The following TENM3 variants were observed in gnomAD, a reference collection of about 807,000 sequenced individuals.
TENM3 encodes teneurin transmembrane protein 3, also known as teneurin-3.
A neutral mutation model predicts 255.1 loss-of-function variants in TENM3; 63 were observed. The observed-to-expected ratio is 0.25, with a 90% CI of 0.20 to 0.30. The LOEUF is 0.30. TENM3 is among the 10% of genes least tolerant of loss of function. The probability of loss-of-function intolerance (pLI) is 1.00; values close to 1 mark genes in which losing one functional copy is unlikely to be tolerated. For missense variants in TENM3, 2,929 were observed against 3,461.1 expected (o/e 0.85, Z 3.86); for synonymous variants, 1,306 against 1,322.3 (o/e 0.99, Z 0.27).
At chr4:181,568,312 C>T in the TENM3 span, among the ~76,000 whole-genome samples, 4 of 151,864 alleles carry the variant, frequency 2.6e-5, no homozygotes, top group Non-Finnish European at 5.9e-5. Context: ...TACAGGCGCC[C>T]GCCACCACAC....
At chr4:181,918,779 C>T in the TENM3 span, among the ~76,000 whole-genome samples, 1 of 151,988 alleles carries the variant, frequency 6.6e-6, no homozygotes, top group African/African-American at 2.4e-5. Flanking sequence ...TTATATTCCC[C>T]TCTGTCCCTG....
At chr4:182,074,598 TAAGC>T in the TENM3 span, among the ~76,000 whole-genome samples, 1 of 152,160 alleles carries the variant, frequency 6.6e-6, no homozygotes, top group Non-Finnish European at 1.5e-5. Flanking sequence ...TATTGTTGCT[TAAGC>T]AAGAAAGAAA....
chr4:182,637,724 G>A (rs1345170097), intron 5 of TENM3, among the ~76,000 whole-genome samples: 1 of 152,148 alleles, frequency 6.6e-6, no homozygotes, highest in Non-Finnish European at 1.5e-5. Context: ...GCCTCTTAGA[G>A]ATTATATTCT....
In TENM3 at chr4:182,540,631, G is replaced by A. The variant is rs371158469; in HGVS notation, c.512-60293G>A. Among the ~76,000 whole-genome samples, 45 of 152,128 alleles carry A rather than the reference G, an allele frequency of 3.0e-4. 1 individual carries two copies. Among genetic ancestry groups the A allele is most frequent in the African/African-American group, 9.2e-4 (38 of 41,492 alleles). On this transcript the variant is annotated intron_variant, in intron 3 of 27. Coordinates refer to ENST00000511685, the MANE Select transcript of TENM3 (RefSeq NM_001080477.4). ...TAAAAAATATTTATCCAGTGAACCC[G>A]TGTGTCTCACCAAGGATTGAGAAAA...
chr4:182,297,697 G>C (rs1761583017), intron 1 of TENM3, among the ~76,000 whole-genome samples: 1 of 152,190 alleles, frequency 6.6e-6, no homozygotes, highest in Admixed American at 6.5e-5. Context: ...CGGTCTTTTA[G>C]ATGACAAGTC....
At chr4:182,599,271 A>C (rs1272319646) in intron 3 of TENM3, among the ~76,000 whole-genome samples, 4 of 152,192 alleles carry the variant, frequency 2.6e-5, no homozygotes, top group African/African-American at 9.6e-5. Context: ...TGACAACTGT[A>C]TGTGCCATTT....
At chr4:181,692,650 A>G in the TENM3 span, among the ~76,000 whole-genome samples, 1 of 152,160 alleles carries the variant, frequency 6.6e-6, no homozygotes, top group Non-Finnish European at 1.5e-5. Flanking sequence ...ATTTAGATGG[A>G]AAATATTAAT....
At chr4:182,389,458 C>T (rs538114260) in intron 3 of TENM3, among the ~76,000 whole-genome samples, 4 of 151,034 alleles carry the variant, frequency 2.6e-5, no homozygotes, top group East Asian at 3.9e-4. Flanking sequence ...AATTCCGAAA[C>T]CATTTTACCT....
chr4:182,786,181 G>C (rs992105350), intron 24 of TENM3, among the ~76,000 whole-genome samples: 2 of 152,082 alleles, frequency 1.3e-5, no homozygotes, highest in African/African-American at 4.8e-5. Flanking sequence ...GCTTGTCCAA[G>C]GCACGCACAG....
intron 6 of TENM3, among the ~76,000 whole-genome samples, chr4:182,656,115 T>C (rs1753723079): frequency 6.6e-6 from 1 of 152,178 alleles, no homozygotes; most frequent in East Asian, 1.9e-4. Context: ...AGCACCTGTA[T>C]ATACATATAA....
chr4:182,624,013 C>T (rs1198616544), intron 4 of TENM3, among the ~76,000 whole-genome samples: 1 of 152,082 alleles, frequency 6.6e-6, no homozygotes, highest in African/African-American at 2.4e-5. Flanking sequence ...TTATCACCTC[C>T]GTTCTCTGTC....
chr4:182,709,110 G>A (rs1758544720), intron 12 of TENM3, among the ~76,000 whole-genome samples: 1 of 151,686 alleles, frequency 6.6e-6, no homozygotes, highest in African/African-American at 2.4e-5. Context: ...AGCCTCCCAA[G>A]TAGCTGGGAC....
intron 3 of TENM3, among the ~76,000 whole-genome samples, chr4:182,427,339 A>G (rs368809825): frequency 2.8e-4 from 43 of 152,330 alleles, no homozygotes; most frequent in African/African-American, 9.9e-4. Context: ...TTACACGACC[A>G]AAAGGGAGCT....
chr4:182,793,407 C>G lies in TENM3; in HGVS notation c.6735C>G (p.His2245Gln). 1 of 1,613,940 alleles carries G rather than the reference C, an allele frequency of 6.2e-7. No homozygotes were observed. The highest frequency in any genetic ancestry group is 8.5e-7 in the Non-Finnish European group (1 of 1,179,860). ...RVSSKTSLGQ[H>Q]LQFFYADLTY... is the part of the protein sequence containing the mutation. ...CTAGCAAAACCAGTCTAGGACAGCA[C>G]CTGCAGTTTTTTTATGCTGACTTAA... Residue 2245 changes from histidine (H) to glutamine (Q), a missense_variant, in exon 26 of 28, where the codon CAC becomes CAG. By Grantham distance (24) the His-to-Gln change is conservative (BLOSUM62 0). Around this residue, in one of 6 missense-constraint regions of TENM3, gnomAD observed 256 missense variants for 389.3 expected, o/e 0.66. Coordinates refer to ENST00000511685, the MANE Select transcript of TENM3 (RefSeq NM_001080477.4). This position sits in a 1 kb window ranked among gnomAD's most constrained non-coding sequence, Gnocchi z 5.7.
At chr4:181,612,899 G>A in the TENM3 span, among the ~76,000 whole-genome samples, 2 of 152,110 alleles carry the variant, frequency 1.3e-5, no homozygotes, top group African/African-American at 4.8e-5. Context: ...TTTGAGGGAC[G>A]TTAAATCCTG....
chr4:182,469,250 T>C (rs1259127119), intron 3 of TENM3, among the ~76,000 whole-genome samples: 3 of 152,222 alleles, frequency 2.0e-5, no homozygotes, highest in Non-Finnish European at 4.4e-5. Flanking sequence ...TAGTCTCTGC[T>C]ATCATATGCC....
chr4:182,583,437 A>C (rs753876565), intron 3 of TENM3, among the ~76,000 whole-genome samples: 3 of 151,620 alleles, frequency 2.0e-5, no homozygotes, highest in Non-Finnish European at 4.4e-5. Context: ...ACTGGAAAGA[A>C]AGACATTAGA....
At chr4:182,195,023 T>TCACACACACA (rs70954299) in intron 1 of TENM3, among the ~76,000 whole-genome samples, 19 of 147,090 alleles carry the variant, frequency 1.3e-4, no homozygotes, top group Admixed American at 3.4e-4. Context: ...ACAGTCTCTA[T>TCACACACACA]CACACACACA....
chr4:182,596,094 T>A lies in TENM3; in HGVS notation c.512-4830T>A, dbSNP rs565722983. On this transcript the variant is annotated intron_variant, in intron 3 of 27. Coordinates refer to ENST00000511685, the MANE Select transcript of TENM3 (RefSeq NM_001080477.4). Reference sequence around the variant, plus strand: ...CAATCAATCAGCACATTTTTGGGAGTCCTTGAAGTACGTGCTTAGTGAAAG... The same window carrying A: ...CAATCAATCAGCACATTTTTGGGAGACCTTGAAGTACGTGCTTAGTGAAAG... Among the ~76,000 whole-genome samples the A allele has an allele frequency of 8.5e-5, 13 of 152,122 alleles. No individual in the cohort carries two copies. The East Asian group carries it at 1.4e-3, about 16-fold the overall frequency.
Sources: allele counts gnomAD v4.1 joint callset (sites outside exome capture counted in the v4.1 genomes callset), GRCh38; gene constraint gnomAD v4.1.1; regional missense constraint gnomAD v4.1.1; non-coding constraint Gnocchi (gnomAD v3.1); transcripts MANE v1.5; gene names NCBI Gene and HGNC (gene_info 2026-07-23, HGNC 2026-07-21).